The following KDM4C variants were observed in gnomAD, a reference collection of about 807,000 sequenced individuals.
The protein encoded by KDM4C is lysine-specific demethylase 4C.
A neutral mutation model predicts 129.3 loss-of-function variants in KDM4C; 81 were observed. The ratio of observed to expected loss-of-function variants is 0.63; its 90% CI spans 0.52 to 0.75. KDM4C has a LOEUF of 0.75. Among genes scored for constraint, KDM4C ranks in the 30% least tolerant of loss-of-function variants. KDM4C has a pLI of 0.00. For missense variants in KDM4C, 1,457 were observed against 1,304.0 expected (o/e 1.12, Z -1.81); for synonymous variants, 573 against 456.1 (o/e 1.26, Z -3.26).
chr9:6,828,003 G>C (rs988135405), intron 4 of KDM4C, among the ~76,000 whole-genome samples: 4 of 152,174 alleles, frequency 2.6e-5, no homozygotes, highest in African/African-American at 9.7e-5. Context: ...GTTTTCAGAG[G>C]GGTGTTGCCA....
rs57999664 is a variant in KDM4C at position 6,749,986 on chromosome 9, C to CAA, written c.49+29015_49+29016dup. On this transcript the variant is annotated intron_variant, in intron 1 of 17. Coordinates refer to the KDM4C transcript ENST00000536108. The stretch of plus-strand genomic sequence containing the variant: ...GGGCAACAACAGTGAAACTCCTTCT[C>CAA]AAAAAAAAAAAAAAAAAAAAAAAAA... Among the ~76,000 whole-genome samples the CAA allele has an allele frequency of 1.2e-3, 69 of 55,584 alleles. 2 individuals carry two copies. Among genetic ancestry groups the CAA allele is most frequent in the African/African-American group, 3.2e-3 (59 of 18,578 alleles). The allele number at this position is 55,584 out of a possible 152,430, so 36.5% of individuals were successfully genotyped here.
At chr9:7,001,861 G>A (rs1338457478) in intron 12 of KDM4C, among the ~76,000 whole-genome samples, 5 of 152,012 alleles carry the variant, frequency 3.3e-5, no homozygotes, top group Non-Finnish European at 5.9e-5. Flanking sequence ...TAATGAAATA[G>A]CTTATGAATC....
intron 8 of KDM4C, among the ~76,000 whole-genome samples, chr9:6,895,472 C>T (rs1030345133): frequency 2.6e-5 from 4 of 152,192 alleles, no homozygotes; most frequent in South Asian, 2.1e-4. Context: ...AGGCAATCCG[C>T]AAAATCCCAC....
chr9:6,927,676 A>G (rs755920413), intron 8 of KDM4C, among the ~76,000 whole-genome samples: 3 of 152,166 alleles, frequency 2.0e-5, no homozygotes, highest in African/African-American at 7.2e-5. Flanking sequence ...AGAAATCACA[A>G]TATGCCACTT....
intron 6 of KDM4C, among the ~76,000 whole-genome samples, chr9:6,885,134 CA>C (rs1845061640): frequency 6.6e-6 from 1 of 152,192 alleles, no homozygotes; most frequent in South Asian, 2.1e-4. Context: ...ACATGTAACA[CA>C]TTTCCAATAC....
At position 6,758,824 on chromosome 9, in the gene KDM4C, T is replaced by C. The variant is rs1377953053; in HGVS notation, c.-18+621T>C. Among the ~76,000 whole-genome samples, 2 of 152,082 alleles carry C rather than the reference T, an allele frequency of 1.3e-5. No individual in the cohort carries two copies. The highest frequency in any genetic ancestry group is 2.9e-5 in the Non-Finnish European group (2 of 67,982). ...GGTGCTTAAATAAATGCGAGTTGGA[T>C]TAGGGCGCGTGGACTGCCAGGCACA... On this transcript the variant is annotated intron_variant, in intron 1 of 21. Transcript: ENST00000381309. This position sits in a 1 kb window ranked among gnomAD's most constrained non-coding sequence, Gnocchi z 4.6.
At chr9:7,141,313 C>T (rs1210921059) in intron 19 of KDM4C, among the ~76,000 whole-genome samples, 2 of 152,016 alleles carry the variant, frequency 1.3e-5, no homozygotes, top group East Asian at 3.9e-4. Context: ...CTTCAGGCTG[C>T]TAAAATACAG....
At chr9:6,824,689 A>G (rs1025416455) in intron 4 of KDM4C, among the ~76,000 whole-genome samples, 1 of 152,118 alleles carries the variant, frequency 6.6e-6, no homozygotes, top group Non-Finnish European at 1.5e-5. Context: ...AATTCATTAA[A>G]ACAGTCCATT....
intron 1 of KDM4C, among the ~76,000 whole-genome samples, chr9:6,783,861 T>C (rs75173681): frequency 6.6e-6 from 1 of 152,152 alleles, no homozygotes; most frequent in African/African-American, 2.4e-5. Context: ...AGATGAAGAT[T>C]TGAGTCAGGA....
intron 1 of KDM4C, among the ~76,000 whole-genome samples, chr9:6,729,029 C>A (rs1020464074): frequency 2.0e-5 from 3 of 151,256 alleles, no homozygotes; most frequent in African/African-American, 2.4e-5. Flanking sequence ...GATGGTGAAA[C>A]CCCACCTCTA....
chr9:7,001,823 T>C (rs1820773615), intron 12 of KDM4C, among the ~76,000 whole-genome samples: 1 of 152,096 alleles, frequency 6.6e-6, no homozygotes, highest in African/African-American at 2.4e-5. Flanking sequence ...TGTTTTGCCA[T>C]CTTTTGACTT....
rs547791826 is a variant in KDM4C at position 7,112,684 on chromosome 9, A to G, written c.2610+8814A>G. 4.6e-5 allele frequency among the ~76,000 whole-genome samples: 7 copies of G among 152,158 alleles called. No homozygotes were observed. In the South Asian group the frequency reaches 1.4e-3, roughly 31 times the overall value. ...TCATATGTAGCTATGGGTTGAATCT[A>G]TCCTTTCAGTTTCCTTTTTATTTTC... On this transcript the variant is annotated intron_variant, in intron 18 of 21. Coordinates refer to ENST00000381309, the MANE Select transcript of KDM4C (RefSeq NM_015061.6).
chr9:6,835,196 C>T (rs1835661629), intron 4 of KDM4C: 2 of 924,020 alleles, frequency 2.2e-6, no homozygotes, highest in East Asian at 4.8e-5. Flanking sequence ...CAGGTCATCA[C>T]CATCGGCAAC....
chr9:7,055,735 C>T (rs1489777102), intron 17 of KDM4C, among the ~76,000 whole-genome samples: 1 of 152,160 alleles, frequency 6.6e-6, no homozygotes, highest in Non-Finnish European at 1.5e-5. Flanking sequence ...CCAACTGACT[C>T]ATGTTATCAG....
At chr9:6,999,941 A>G (rs1015104986) in intron 12 of KDM4C, among the ~76,000 whole-genome samples, 1 of 152,224 alleles carries the variant, frequency 6.6e-6, no homozygotes, top group African/African-American at 2.4e-5. Flanking sequence ...GTATTACTAT[A>G]CTTTCATAAT....
At chr9:7,151,428 A>G (rs1842716620) in intron 19 of KDM4C, among the ~76,000 whole-genome samples, 1 of 152,090 alleles carries the variant, frequency 6.6e-6, no homozygotes, top group South Asian at 2.1e-4. Context: ...GTGCTGGCTC[A>G]CACCTGTAAT....
chr9:7,044,048 G>C (rs1238686147), intron 15 of KDM4C, among the ~76,000 whole-genome samples: 2 of 151,992 alleles, frequency 1.3e-5, no homozygotes, highest in Non-Finnish European at 2.9e-5. Context: ...ATAGCACTCA[G>C]TGAGTTTACA....
At chr9:6,980,719 A>G (rs1421756128) in intron 8 of KDM4C, among the ~76,000 whole-genome samples, 2 of 152,186 alleles carry the variant, frequency 1.3e-5, no homozygotes, top group African/African-American at 4.8e-5. Context: ...AAACCATTAT[A>G]ACCACATTAT....
At chr9:7,098,966 C>G (rs376072316) in intron 17 of KDM4C, among the ~76,000 whole-genome samples, 1 of 131,004 alleles carries the variant, frequency 7.6e-6, no homozygotes, top group Non-Finnish European at 1.7e-5. Context: ...AGGTTTTAGC[C>G]TCGATCCTCT....
Sources: allele counts gnomAD v4.1 joint callset (sites outside exome capture counted in the v4.1 genomes callset), GRCh38; gene constraint gnomAD v4.1.1; non-coding constraint Gnocchi (gnomAD v3.1); transcripts MANE v1.5; gene names NCBI Gene and HGNC (gene_info 2026-07-23, HGNC 2026-07-21).